DNAJA3: variants seen among roughly 807,000 people sequenced by gnomAD.
The protein encoded by DNAJA3 is DnaJ heat shock protein family (Hsp40) member A3.
In DNAJA3, 29 loss-of-function variants were observed where a neutral mutation model predicts 54.9. The ratio of observed to expected loss-of-function variants is 0.53; its 90% CI spans 0.39 to 0.72. The LOEUF is 0.72. Among genes scored for constraint, DNAJA3 ranks in the 30% least tolerant of loss-of-function variants. The pLI, the probability that DNAJA3 is intolerant of heterozygous loss-of-function variation, is 0.00. For missense variants in DNAJA3, 708 were observed against 639.4 expected, an observed-to-expected ratio of 1.11 and a Z score of -1.16; for synonymous variants, 302 against 251.4, an observed-to-expected ratio of 1.20 and a Z score of -1.90.
At chr16:4,448,129 A>G (rs2056926483) in intron 8 of DNAJA3, among the ~76,000 whole-genome samples, 1 of 143,230 alleles carries the variant, frequency 7.0e-6, no homozygotes, top group Non-Finnish European at 1.5e-5. Context: ...CCCAGGTTCA[A>G]GCGATTCCCA....
Position 4,450,409 on chromosome 16 carries a change from G to A in DNAJA3, c.1251G>A (p.Thr417=), listed in dbSNP as rs968010642. 6.2e-6 allele frequency: 10 copies of A among 1,607,956 alleles called. No homozygotes were observed. Among genetic ancestry groups the A allele is most frequent in the African/African-American group, 4.0e-5 (3 of 74,884 alleles). The change falls in exon 10 of 12, where the codon ACG becomes ACA. Residue 417 remains threonine (T), a synonymous_variant. Coordinates refer to ENST00000262375, the MANE Select transcript of DNAJA3 (RefSeq NM_005147.6). ...TCTGCTCGGTCCACAGGAGGCTAAC[G>A]AGCCGGCAGCAGAGCCTGATCCTGA... ...HIKIRVPKRL[T]SRQQSLILSY...
intron 7 of DNAJA3, among the ~76,000 whole-genome samples, chr16:4,445,873 C>T (rs986712495): frequency 6.6e-6 from 1 of 151,662 alleles, no homozygotes; most frequent in African/African-American, 2.4e-5. Flanking sequence ...GTTACCTCCA[C>T]TGGGTTGTGG....
chr16:4,450,538 C>G (rs1287320683), intron 10 of DNAJA3, 41 bp downstream of exon 10: 8 of 1,475,774 alleles, frequency 5.4e-6, no homozygotes, highest in Non-Finnish European at 7.4e-6. Context: ...GTGGGGGCCT[C>G]AGAGCCCCCC....
rs764160978 is a variant in DNAJA3, at chr16:4,446,953, C to G, written c.1064C>G (p.Ala355Gly). 2.5e-6 allele frequency: 4 copies of G among 1,614,086 alleles called. No homozygotes were observed. The highest frequency in any genetic ancestry group is 2.5e-6 in the Non-Finnish European group (3 of 1,180,044). Reference protein sequence around the residue: ...DIHSDLFISIAQALLGGTARA... With the variant: ...DIHSDLFISIGQALLGGTARA... ...CACTCCGACCTCTTTATTTCTATAG[C>G]TCAGGCTCTTCTTGGGGGTACAGCC... The change falls in exon 8 of 12, where the codon GCT becomes GGT. Residue 355 changes from alanine (A) to glycine (G), a missense_variant. Transcript: ENST00000262375.
chr16:4,455,134 G>C (rs536894127), intron 11 of DNAJA3, among the ~76,000 whole-genome samples: 1 of 152,308 alleles, frequency 6.6e-6, no homozygotes, highest in East Asian at 1.9e-4. Context: ...TGCAGGACTG[G>C]CTGGGCTGCC....
chr16:4,455,147 G>A (rs1596373940), intron 11 of DNAJA3, among the ~76,000 whole-genome samples: 1 of 152,294 alleles, frequency 6.6e-6, no homozygotes, highest in African/African-American at 2.4e-5. Context: ...GGGCTGCCGC[G>A]GCCAGCCTCT....
intron 10 of DNAJA3, among the ~76,000 whole-genome samples, chr16:4,454,537 A>C (rs2057013431): frequency 6.6e-6 from 1 of 152,224 alleles, no homozygotes; most frequent in African/African-American, 2.4e-5. Flanking sequence ...CAGCTGTCAT[A>C]GTCCGTCTCT....
At chr16:4,451,028 C>T (rs1039661074) in intron 10 of DNAJA3, among the ~76,000 whole-genome samples, 5 of 152,194 alleles carry the variant, frequency 3.3e-5, no homozygotes, top group African/African-American at 9.7e-5. Flanking sequence ...AACAGATGCA[C>T]CATTTACCCT....
In DNAJA3 at chr16:4,431,121, C is replaced by G. The variant is rs975835335; in HGVS notation, c.212-3263C>G. The G allele has an allele frequency of 2.0e-5, 3 of 152,324 alleles. No homozygotes were observed. In the South Asian group the frequency reaches 6.2e-4, roughly 32 times the overall value. The allele number at this position is 152,324 out of a possible 1,614,324, so 9.4% of individuals were successfully genotyped here. On this transcript the variant is annotated intron_variant, in intron 1 of 11. Transcript: ENST00000262375. The stretch of plus-strand genomic sequence containing the variant: ...TATCCACATGCAGTTTTGTGCGTTA[C>G]TATCTCTGTACTAACTCCTGTCCGT...
At chr16:4,436,551 T>A (rs1003506262) in intron 2 of DNAJA3, among the ~76,000 whole-genome samples, 6 of 152,236 alleles carry the variant, frequency 3.9e-5, no homozygotes, top group Non-Finnish European at 7.3e-5. Flanking sequence ...TTTTTTCTTT[T>A]TTCAGACAGA....
Position 4,448,723 on chromosome 16 carries a change from T to G in DNAJA3, c.1126-10T>G. ...GACCAGGGGAAACCACAGATTTTCTTTCTTTATAGATCCCCCCTGGGACTC... is the reference window on the plus strand; with the variant it reads ...GACCAGGGGAAACCACAGATTTTCTGTCTTTATAGATCCCCCCTGGGACTC... On this transcript the variant is annotated splice_polypyrimidine_tract_variant and intron_variant, in intron 8 of 11. Coordinates refer to ENST00000262375, the MANE Select transcript of DNAJA3 (RefSeq NM_005147.6). 1 of 1,606,838 alleles carries G rather than the reference T, an allele frequency of 6.2e-7. No homozygotes were observed. The highest frequency in any genetic ancestry group is 8.5e-7 in the Non-Finnish European group (1 of 1,174,028).
At chr16:4,447,657 CT>C in intron 8 of DNAJA3, 1 of 152,856 alleles carries the variant, frequency 6.5e-6, no homozygotes, top group Non-Finnish European at 1.5e-5. Flanking sequence ...CCTGTATTGG[CT>C]TTTCCTGCTT....
At chr16:4,428,653 G>A (rs2056653290) in intron 1 of DNAJA3, among the ~76,000 whole-genome samples, 1 of 152,218 alleles carries the variant, frequency 6.6e-6, no homozygotes, top group Non-Finnish European at 1.5e-5. Flanking sequence ...CCCCAAGTGA[G>A]CTCATAACCT....
At chr16:4,431,997 C>T (rs1053530669) in intron 1 of DNAJA3, 91 of 152,006 alleles carry the variant, frequency 6.0e-4, no homozygotes, top group African/African-American at 2.1e-3. Flanking sequence ...CCTTCCTATT[C>T]CTAGGCCCCA....
chr16:4,448,864 G>A lies in DNAJA3; in HGVS notation c.1241+16G>A, dbSNP rs559680695. On this transcript the variant is annotated intron_variant, in intron 9 of 11. Coordinates refer to ENST00000262375, the MANE Select transcript of DNAJA3 (RefSeq NM_005147.6). ...GAGTTCCAAAGTAAGTGCCCCCTAG[G>A]CTGTGGCCAAGCCCGCCTGGTCCTG... The A allele has an allele frequency of 4.4e-6, 7 of 1,603,610 alleles. 1 individual carries two copies. The African/African-American group carries it at 9.4e-5, about 21-fold the overall frequency.
intron 1 of DNAJA3, among the ~76,000 whole-genome samples, chr16:4,428,488 G>C (rs897297422): frequency 6.6e-6 from 1 of 152,144 alleles, no homozygotes; most frequent in Non-Finnish European, 1.5e-5. Flanking sequence ...TTAATCCTTA[G>C]GTGACTTGTT....
chr16:4,450,382 A>T lies in DNAJA3; in HGVS notation c.1242-18A>T. The stretch of plus-strand genomic sequence containing the variant: ...TTCCCGGCGGAAGCCTTGGCTGCTG[A>T]CTCTGCTCGGTCCACAGGAGGCTAA... On this transcript the variant is annotated intron_variant, in intron 9 of 11. Transcript: ENST00000262375. 6.3e-7 allele frequency: 1 copy of T among 1,583,064 alleles called. No individual in the cohort carries two copies. Among genetic ancestry groups the T allele is most frequent in the Non-Finnish European group, 8.6e-7 (1 of 1,165,620 alleles).
intron 10 of DNAJA3, 71 bp downstream of exon 10, chr16:4,450,568 G>A (rs892568424): frequency 2.5e-6 from 3 of 1,217,998 alleles, no homozygotes; most frequent in Non-Finnish European, 3.5e-6. Flanking sequence ...ACAATTCAGG[G>A]CAGCATGTTG....
intron 3 of DNAJA3, chr16:4,437,688 T>G (rs963178096): frequency 2.0e-6 from 1 of 491,688 alleles, no homozygotes. Context: ...TCCTAGCACT[T>G]TGGGAAGCTG....
Sources: gnomAD v4.1 joint callset for allele counts (sites outside exome capture counted in the v4.1 genomes callset) on GRCh38, gnomAD v4.1.1 for gene constraint, MANE v1.5 for transcripts, NCBI Gene and HGNC (gene_info 2026-07-23, HGNC 2026-07-21) for gene names.